The following GABRG3 variants were observed in gnomAD, a reference collection of about 807,000 sequenced individuals.
GABRG3 encodes gamma-aminobutyric acid receptor subunit gamma-3.
Under a neutral mutation model 48.8 loss-of-function variants are expected in GABRG3, and 25 were observed. The ratio of observed to expected loss-of-function variants is 0.51; its 90% confidence interval spans 0.37 to 0.72. GABRG3 has a LOEUF of 0.72. GABRG3 is among the 30% of genes least tolerant of loss of function. The probability of loss-of-function intolerance (pLI) is 0.00; values close to 1 mark genes in which losing one functional copy is unlikely to be tolerated. For synonymous variants in GABRG3, 227 were observed against 217.6 expected, an observed-to-expected ratio of 1.04 and a Z score of -0.38; for missense variants, 394 against 577.9, an observed-to-expected ratio of 0.68 and a Z score of 3.26.
chr15:27,204,994 A>T (rs1888807492), intron 3 of GABRG3, among the ~76,000 whole-genome samples: 1 of 151,924 alleles, frequency 6.6e-6, no homozygotes, highest in Admixed American at 6.6e-5. Flanking sequence ...TGAAAATGAT[A>T]GTTCAACTTT....
At chr15:27,490,154 A>T (rs1791755649) in intron 6 of GABRG3, among the ~76,000 whole-genome samples, 1 of 152,216 alleles carries the variant, frequency 6.6e-6, no homozygotes. Context: ...TGCCATATGG[A>T]TACAAATAAA....
intron 6 of GABRG3, among the ~76,000 whole-genome samples, chr15:27,489,043 G>A (rs575236646): frequency 5.5e-4 from 63 of 114,640 alleles, no homozygotes; most frequent in African/African-American, 1.7e-3. Flanking sequence ...CCCACCCCCC[G>A]ACAGGCTCTG....
chr15:27,120,815 C>A (rs956418636), intron 3 of GABRG3, among the ~76,000 whole-genome samples: 5 of 152,038 alleles, frequency 3.3e-5, no homozygotes, highest in African/African-American at 4.8e-5. Flanking sequence ...AGATATTCAC[C>A]TGGGTCAAAG....
intron 5 of GABRG3, among the ~76,000 whole-genome samples, chr15:27,367,751 G>T (rs1427707147): frequency 2.6e-5 from 4 of 152,078 alleles, no homozygotes; most frequent in Non-Finnish European, 4.4e-5. Flanking sequence ...ACCTAATTAT[G>T]CATTAATTAT....
At chr15:27,311,712 T>C (rs1892999935) in intron 3 of GABRG3, among the ~76,000 whole-genome samples, 1 of 152,020 alleles carries the variant, frequency 6.6e-6, no homozygotes, top group Non-Finnish European at 1.5e-5. Flanking sequence ...AACTGGCTTA[T>C]GTCTTGCTTG....
intron 7 of GABRG3, among the ~76,000 whole-genome samples, chr15:27,523,658 G>T (rs973492499): frequency 6.6e-6 from 1 of 151,696 alleles, no homozygotes; most frequent in Non-Finnish European, 1.5e-5. Flanking sequence ...GCTCCACAAA[G>T]AAATAGAGGA....
intron 3 of GABRG3, among the ~76,000 whole-genome samples, chr15:27,175,649 C>T (rs756938241): frequency 3.3e-5 from 5 of 152,122 alleles, no homozygotes; most frequent in African/African-American, 4.8e-5. Context: ...CCAGTGGAGA[C>T]GATAAAACAA....
intron 6 of GABRG3, among the ~76,000 whole-genome samples, chr15:27,486,203 C>T (rs1418025102): frequency 6.6e-6 from 1 of 152,078 alleles, no homozygotes; most frequent in Non-Finnish European, 1.5e-5. Flanking sequence ...GGCTCCCTGA[C>T]GTCAGAGGAA....
At chr15:27,363,862 A>G (rs1895104324) in intron 5 of GABRG3, 2 of 152,206 alleles carry the variant, frequency 1.3e-5, no homozygotes, top group Admixed American at 1.3e-4. Flanking sequence ...ACATGAGCAA[A>G]TGGAGAGACA....
At chr15:26,988,289 G>GT in intron 2 of GABRG3, among the ~76,000 whole-genome samples, 1 of 152,266 alleles carries the variant, frequency 6.6e-6, no homozygotes, top group South Asian at 2.1e-4. Flanking sequence ...TTCTATCAGT[G>GT]TTTGAGTCAT....
rs554676826 is a variant in GABRG3, at chr15:27,133,440, C to T, written c.270+106619C>T. On this transcript the variant is annotated intron_variant, in intron 3 of 9. Coordinates refer to ENST00000615808, the MANE Select transcript of GABRG3 (RefSeq NM_033223.5). ...CCCCCATTTCAGAGTCACAGAGTGA[C>T]TTCCTGTAGCCATTGCCCAAGGCGC... Among the ~76,000 whole-genome samples, 8 of 152,312 alleles carry T rather than the reference C, an allele frequency of 5.3e-5. No homozygotes were observed. In the East Asian group the frequency reaches 1.4e-3, roughly 26 times the overall value.
Position 27,465,524 on chromosome 15 carries a change from G to A in GABRG3, c.575-15126G>A, listed in dbSNP as rs560998472. ...TCAGTGGCCAACATTTAAAAGTCAG[G>A]AGATTTTATACCGAATTCCCTATTT... is the stretch of plus-strand genomic sequence containing the variant. On this transcript the variant is annotated intron_variant, in intron 5 of 9. Coordinates refer to ENST00000615808, the MANE Select transcript of GABRG3 (RefSeq NM_033223.5). Among the ~76,000 whole-genome samples, 11 of 152,294 alleles carry A rather than the reference G, an allele frequency of 7.2e-5. No individual in the cohort carries two copies. The East Asian group carries it at 1.9e-3, about 27-fold the overall frequency.
At chr15:26,972,486 C>T (rs139008640) in intron 1 of GABRG3, among the ~76,000 whole-genome samples, 2 of 152,096 alleles carry the variant, frequency 1.3e-5, no homozygotes, top group Non-Finnish European at 2.9e-5. Context: ...TGCAGACTGT[C>T]CTGTTATTTG....
intron 3 of GABRG3, among the ~76,000 whole-genome samples, chr15:27,155,719 C>T (rs1898406830): frequency 6.6e-6 from 1 of 152,094 alleles, no homozygotes; most frequent in Non-Finnish European, 1.5e-5. Context: ...TCTAGCTTCC[C>T]TCTAGGTCCC....
At chr15:27,354,715 G>C (rs946277485) in intron 5 of GABRG3, among the ~76,000 whole-genome samples, 1 of 152,202 alleles carries the variant, frequency 6.6e-6, no homozygotes, top group South Asian at 2.1e-4. Flanking sequence ...TTACTGTAAG[G>C]TTCTGTTATG....
intron 3 of GABRG3, among the ~76,000 whole-genome samples, chr15:27,317,287 AC>A (rs886470488): frequency 1.3e-5 from 2 of 151,704 alleles, no homozygotes; most frequent in African/African-American, 2.4e-5. Flanking sequence ...AGCTGACACT[AC>A]CCCCCAATTC....
intron 2 of GABRG3, among the ~76,000 whole-genome samples, chr15:27,025,654 A>C (rs1244187146): frequency 1.3e-5 from 2 of 152,190 alleles, no homozygotes; most frequent in African/African-American, 4.8e-5. Context: ...TTTATGTGCA[A>C]TTTTACGAGA....
chr15:27,021,234 G>A (rs1206139837), intron 2 of GABRG3, among the ~76,000 whole-genome samples: 1 of 152,072 alleles, frequency 6.6e-6, no homozygotes, highest in Non-Finnish European at 1.5e-5. Flanking sequence ...GTTGCAATTG[G>A]CAAGCTCATG....
intron 3 of GABRG3, among the ~76,000 whole-genome samples, chr15:27,121,981 G>A (rs1336918378): frequency 2.6e-5 from 4 of 152,132 alleles, no homozygotes; most frequent in African/African-American, 7.2e-5. Flanking sequence ...GAGATGGAGC[G>A]GGGAAGTGGG....
Sources: gnomAD v4.1 joint callset for allele counts (sites outside exome capture counted in the v4.1 genomes callset) on GRCh38, gnomAD v4.1.1 for gene constraint, MANE v1.5 for transcripts, NCBI Gene and HGNC (gene_info 2026-07-23, HGNC 2026-07-21) for gene names.